The following LMF1 variants were observed in gnomAD, a reference collection of about 807,000 sequenced individuals.
LMF1 encodes the protein transmembrane protein 112.
A neutral mutation model predicts 60.6 loss-of-function variants in LMF1; 68 were observed. The ratio of observed to expected loss-of-function variants is 1.12; its 90% confidence interval spans 0.92 to 1.37. The LOEUF (loss-of-function observed/expected upper bound fraction) is 1.37, where lower values mean the gene tolerates loss of function less well. Ranked by LOEUF, LMF1 falls within the 40% of genes most tolerant of loss-of-function variation. The pLI, the probability that LMF1 is intolerant of heterozygous loss-of-function variation, is 0.00. For missense variants in LMF1, 948 were observed against 767.2 expected, an observed-to-expected ratio of 1.24 and a Z score of -2.78; for synonymous variants, 418 against 324.7, an observed-to-expected ratio of 1.29 and a Z score of -3.09.
intron 3 of LMF1, chr16:933,901 T>G (rs2071863673): frequency 1.6e-6 from 2 of 1,241,768 alleles, no homozygotes; most frequent in South Asian, 1.4e-5. Flanking sequence ...GAACCTTCTC[T>G]ATGCCGAGGG....
chr16:891,042 A>C (rs1399295362), intron 5 of LMF1, among the ~76,000 whole-genome samples: 1 of 152,168 alleles, frequency 6.6e-6, no homozygotes, highest in Non-Finnish European at 1.5e-5. Context: ...AGCTCTGGTG[A>C]GGGGCAGTCC....
intron 3 of LMF1, among the ~76,000 whole-genome samples, chr16:913,408 C>T (rs1430756460): frequency 2.6e-5 from 4 of 152,264 alleles, no homozygotes; most frequent in Admixed American, 2.6e-4. Context: ...GTGCACGGTC[C>T]AGGGAGATGC....
At chr16:944,351 G>A (rs1038487491) in intron 2 of LMF1, among the ~76,000 whole-genome samples, 1 of 152,188 alleles carries the variant, frequency 6.6e-6, no homozygotes, top group Non-Finnish European at 1.5e-5. Flanking sequence ...GGACTTAGTG[G>A]AATCCATGTA....
chr16:974,200 T>C (rs756060697), upstream of LMF1, among the ~76,000 whole-genome samples: 1 of 152,184 alleles, frequency 6.6e-6, no homozygotes, highest in East Asian at 1.9e-4. Flanking sequence ...GTGTGTCTTA[T>C]TCTCTAAGAA....
intron 3 of LMF1, among the ~76,000 whole-genome samples, chr16:915,729 G>A (rs1187060470): frequency 3.3e-5 from 5 of 152,254 alleles, no homozygotes; most frequent in African/African-American, 1.2e-4. Flanking sequence ...TTTCCGGACG[G>A]AAGTCCTGGA....
intron 1 of LMF1, chr16:964,019 C>T (rs1310609615): frequency 1.5e-5 from 7 of 455,858 alleles, no homozygotes; most frequent in Admixed American, 4.7e-5. Context: ...GGCGGCCACC[C>T]GCCTCTCACA....
At chr16:944,566 G>A (rs927792797) in intron 2 of LMF1, among the ~76,000 whole-genome samples, 1 of 152,232 alleles carries the variant, frequency 6.6e-6, no homozygotes, top group African/African-American at 2.4e-5. Flanking sequence ...TCCAGGGACA[G>A]CAGTCCTGGG....
At position 888,182 on chromosome 16, in the gene LMF1, T is replaced by C. The variant is rs189885644; in HGVS notation, c.729+4825A>G. 1.2e-3 allele frequency among the ~76,000 whole-genome samples: 187 copies of C among 151,982 alleles called. 1 individual carries two copies. Among genetic ancestry groups the C allele is most frequent in the Admixed American group, 4.7e-3 (72 of 15,288 alleles). Reference sequence around the variant, plus strand: ...GTGCAGGGGGTGGAGCTCAGTGGGGTACTCCTGCAGGCAGCAAGGGAAGTG... The same window carrying C: ...GTGCAGGGGGTGGAGCTCAGTGGGGCACTCCTGCAGGCAGCAAGGGAAGTG... On this transcript the variant is annotated intron_variant, in intron 5 of 10. Transcript: ENST00000262301.
chr16:897,979 C>T lies in LMF1; in HGVS notation c.664-4907G>A, dbSNP rs576249544. Among the ~76,000 whole-genome samples, 28 of 152,364 alleles carry T rather than the reference C, an allele frequency of 1.8e-4. No individual in the cohort carries two copies. Among genetic ancestry groups the T allele is most frequent in the South Asian group, 1.4e-3 (7 of 4,832 alleles). On this transcript the variant is annotated intron_variant, in intron 4 of 10. Coordinates refer to ENST00000262301, the MANE Select transcript of LMF1 (RefSeq NM_022773.4). This position sits in a 1 kb window ranked among gnomAD's most constrained non-coding sequence, Gnocchi z 4.3. ...CTGTGTACATGGCAGGCATCCTCTG[C>T]GTGGTGGGCGCCTTCTGCGTGGCGG...
intron 10 of LMF1, among the ~76,000 whole-genome samples, chr16:866,319 T>C (rs1047246738): frequency 3.3e-5 from 5 of 152,212 alleles, no homozygotes; most frequent in Admixed American, 2.6e-4. Flanking sequence ...AGTGGACGCA[T>C]TGGGAGTATT....
At chr16:923,204 T>C (rs112066513) in intron 3 of LMF1, among the ~76,000 whole-genome samples, 8,249 of 146,824 alleles carry the variant, frequency 0.056, 425 homozygotes, top group Non-Finnish European at 0.074. Flanking sequence ...AGGAATGTGA[T>C]GCCTGGGATC....
intron 3 of LMF1, among the ~76,000 whole-genome samples, chr16:926,751 CCTT>C (rs2071621491): frequency 6.6e-6 from 1 of 152,218 alleles, no homozygotes; most frequent in Non-Finnish European, 1.5e-5. Context: ...TTCCTCTCCT[CCTT>C]CACTGTGCTG....
At chr16:918,453 CA>C (rs1429339439) in intron 3 of LMF1, among the ~76,000 whole-genome samples, 1 of 152,250 alleles carries the variant, frequency 6.6e-6, no homozygotes, top group Non-Finnish European at 1.5e-5. Flanking sequence ...GACTTCGCGG[CA>C]AAGAGTGTTT....
chr16:924,156 A>G (rs1041016818), intron 3 of LMF1, among the ~76,000 whole-genome samples: 1 of 152,264 alleles, frequency 6.6e-6, no homozygotes, highest in Non-Finnish European at 1.5e-5. Flanking sequence ...TGATGATGAG[A>G]AGAACATTAG....
intron 10 of LMF1, among the ~76,000 whole-genome samples, chr16:857,093 G>C (rs28688122): frequency 6.6e-6 from 1 of 152,274 alleles, no homozygotes; most frequent in African/African-American, 2.4e-5. Flanking sequence ...TCGTGTGATG[G>C]AGGCTTCCTT....
At chr16:934,424 C>G in intron 2 of LMF1, 170 bp from the exon 3 acceptor site, 1 of 728,872 alleles carries the variant, frequency 1.4e-6, no homozygotes, top group South Asian at 1.7e-5. Flanking sequence ...GAGCCCCTCC[C>G]CACGGCTCAC....
intron 1 of LMF1, among the ~76,000 whole-genome samples, chr16:966,667 C>T (rs1040845406): frequency 1.3e-5 from 2 of 152,242 alleles, no homozygotes; most frequent in African/African-American, 2.4e-5. Context: ...CCTTGGTCCG[C>T]CTTCTGGGAA....
At chr16:855,056 A>T (rs2069149528) in intron 10 of LMF1, 1 of 378,518 alleles carries the variant, frequency 2.6e-6, no homozygotes. Flanking sequence ...ACAAGGCCCC[A>T]GTTTGAGCCC....
chr16:898,966 C>A (rs760560), intron 4 of LMF1: 1 of 152,154 alleles, frequency 6.6e-6, no homozygotes, highest in East Asian at 1.9e-4. Flanking sequence ...ACCGGGAGAT[C>A]GCTTGAGCTG....
Sources: gnomAD v4.1 joint callset for allele counts (sites outside exome capture counted in the v4.1 genomes callset) on GRCh38, gnomAD v4.1.1 for gene constraint, Gnocchi (gnomAD v3.1) non-coding constraint, MANE v1.5 for transcripts, NCBI Gene and HGNC (gene_info 2026-07-23, HGNC 2026-07-21) for gene names.